The following NFATC1 variants were observed in gnomAD, a reference collection of about 807,000 sequenced individuals.
NFATC1 encodes the protein nuclear factor of activated T cells 1.
Under a neutral mutation model 76.0 loss-of-function variants are expected in NFATC1, and 22 were observed. The observed-to-expected ratio is 0.29, with a 90% CI of 0.21 to 0.41. The LOEUF (loss-of-function observed/expected upper bound fraction) is 0.41, where lower values mean the gene tolerates loss of function less well. Among genes scored for constraint, NFATC1 ranks in the 10% least tolerant of loss-of-function variants. The probability of loss-of-function intolerance (pLI) is 1.00; values close to 1 mark genes in which losing one functional copy is unlikely to be tolerated. For synonymous variants in NFATC1, 704 were observed against 613.1 expected (o/e 1.15, Z -2.19); for missense variants, 1,357 against 1,337.7 (o/e 1.01, Z -0.23).
intron 3 of NFATC1, among the ~76,000 whole-genome samples, chr18:79,441,643 CTGACAAA>C (rs1399539606): frequency 6.6e-6 from 1 of 152,170 alleles, no homozygotes; most frequent in African/African-American, 2.4e-5. Flanking sequence ...CACCTCACTT[CTGACAAA>C]TGACAAGCGC....
At chr18:79,414,066 C>A (rs1266257962) in intron 2 of NFATC1, among the ~76,000 whole-genome samples, 2 of 152,184 alleles carry the variant, frequency 1.3e-5, no homozygotes, top group African/African-American at 4.8e-5. Flanking sequence ...TTTCCTGGTT[C>A]CTTGTGCCCT....
intron 9 of NFATC1, among the ~76,000 whole-genome samples, chr18:79,517,557 C>T (rs868767339): frequency 5.9e-5 from 9 of 152,154 alleles, no homozygotes; most frequent in African/African-American, 2.2e-4. Context: ...GGAACATGCC[C>T]CCGTAGGCCG....
intron 6 of NFATC1, 172 bp downstream of exon 6, chr18:79,451,988 T>C (rs1170505571): frequency 4.2e-6 from 3 of 721,668 alleles, no homozygotes; most frequent in Admixed American, 3.8e-5. Flanking sequence ...CTGTGGGTTT[T>C]TGTGTGAGCC....
intron 9 of NFATC1, among the ~76,000 whole-genome samples, chr18:79,500,822 A>G (rs2089996819): frequency 6.6e-6 from 1 of 152,192 alleles, no homozygotes; most frequent in Non-Finnish European, 1.5e-5. Context: ...TAATAGACCT[A>G]TAGCAGGGAA....
intron 1 of NFATC1, among the ~76,000 whole-genome samples, chr18:79,399,348 C>T (rs1461513611): frequency 1.3e-5 from 2 of 152,232 alleles, no homozygotes; most frequent in African/African-American, 2.4e-5. Flanking sequence ...AGGCAGTGCC[C>T]GCGGGGCAGG....
Position 79,410,899 on chromosome 18 carries a change from C to T in NFATC1, c.624C>T (p.Pro208=), listed in dbSNP as rs970741823. The part of the protein sequence containing the change: ...ASPQTSPWQS[P]CVSPKTTDPE... Reference sequence around the variant, plus strand: ...CCCAGACGTCGCCATGGCAGTCTCCCTGCGTGTCTCCCAAGACCACGGACC... The same window carrying T: ...CCCAGACGTCGCCATGGCAGTCTCCTTGCGTGTCTCCCAAGACCACGGACC... Residue 208 remains proline (P), a synonymous_variant, in exon 2 of 10, where the codon CCC becomes CCT. Transcript: ENST00000427363. This position sits in a 1 kb window ranked among gnomAD's most constrained non-coding sequence, Gnocchi z 6.7. 72 of 1,608,534 alleles carry T rather than the reference C, an allele frequency of 4.5e-5. No homozygotes were observed. Among genetic ancestry groups the T allele is most frequent in the Non-Finnish European group, 5.4e-5 (64 of 1,178,806 alleles).
intron 9 of NFATC1, among the ~76,000 whole-genome samples, chr18:79,522,014 G>T (rs1379761142): frequency 1.9e-5 from 2 of 108,024 alleles, no homozygotes; most frequent in African/African-American, 7.6e-5. Flanking sequence ...TGCATGTGTG[G>T]GGGGGCGTCT....
chr18:79,478,986 G>C (rs951396665), intron 8 of NFATC1, among the ~76,000 whole-genome samples: 1 of 152,176 alleles, frequency 6.6e-6, no homozygotes, highest in Non-Finnish European at 1.5e-5. Context: ...CCCCATGGAC[G>C]CTGGGGCTGC....
intron 2 of NFATC1, among the ~76,000 whole-genome samples, chr18:79,428,163 G>T (rs2086465899): frequency 6.6e-6 from 1 of 152,178 alleles, no homozygotes; most frequent in Non-Finnish European, 1.5e-5. Flanking sequence ...CCTCGGGCCG[G>T]TGGGCAGGCT....
intron 9 of NFATC1, among the ~76,000 whole-genome samples, chr18:79,525,559 T>C (rs998996200): frequency 2.0e-5 from 3 of 152,204 alleles, no homozygotes; most frequent in Middle Eastern, 3.4e-3. Flanking sequence ...CTCTCAGGCC[T>C]CCCTCCTGTC....
At position 79,435,354 on chromosome 18, in the gene NFATC1, T is replaced by TTGTTG. The variant is rs1380786053; in HGVS notation, c.1386+1617_1386+1618insGTTGT. ...TTGTTTTGTTTTTTGGTTTGTTTGT[T>TTGTTG]TTTTTTTTTTTTTTGAGACGGAGTC... On this transcript the variant is annotated intron_variant, in intron 3 of 9. Transcript: ENST00000427363. 1.9e-3 allele frequency among the ~76,000 whole-genome samples: 275 copies of TTGTTG among 144,278 alleles called. 1 individual carries two copies. The highest frequency in any genetic ancestry group is 0.013 in the Middle Eastern group (3 of 238). The allele number at this position is 144,278 out of a possible 152,430, so 94.7% of individuals were successfully genotyped here. A position where few individuals can be genotyped will look rare whatever the true frequency, so the allele number is the denominator to read the frequency against.
intron 8 of NFATC1, among the ~76,000 whole-genome samples, chr18:79,471,832 G>T (rs1293474858): frequency 6.6e-6 from 1 of 152,252 alleles, no homozygotes; most frequent in Non-Finnish European, 1.5e-5. Context: ...TTCACCAGGG[G>T]TGGGCGTGGG....
chr18:79,457,541 TTC>T (rs1226580983), intron 6 of NFATC1, among the ~76,000 whole-genome samples: 1 of 152,244 alleles, frequency 6.6e-6, no homozygotes, highest in African/African-American at 2.4e-5. Flanking sequence ...GTTGGCTAGT[TTC>T]TTTTTTATAT....
chr18:79,421,209 C>T (rs1417272223), intron 2 of NFATC1: 2 of 152,282 alleles, frequency 1.3e-5, no homozygotes, highest in Non-Finnish European at 2.9e-5. Context: ...CCCCTCTGAC[C>T]CCCATCACGG....
At chr18:79,455,303 G>A (rs1052588112) in intron 6 of NFATC1, among the ~76,000 whole-genome samples, 2 of 152,222 alleles carry the variant, frequency 1.3e-5, no homozygotes, top group Non-Finnish European at 2.9e-5. Flanking sequence ...AGGGCTCAGC[G>A]GGTGGGGCTG....
chr18:79,516,836 A>T (rs1444487667), intron 9 of NFATC1, among the ~76,000 whole-genome samples: 1 of 152,178 alleles, frequency 6.6e-6, no homozygotes, highest in African/African-American at 2.4e-5. Context: ...TCTGATCTCT[A>T]ATTTGTGGCT....
rs531318548 is a variant in NFATC1 at position 79,524,276 on chromosome 18, T to C, written c.2783-3252T>C. ...CACCTGTGAAAGGGGAAGCCGTGGC[T>C]TTCCTCTCAGGGCTACGGCACAGGC... On this transcript the variant is annotated intron_variant, in intron 9 of 9. Transcript: ENST00000427363. The surrounding 1 kb of genome is among the most constrained non-coding windows in gnomAD (Gnocchi z 7.2). Among the ~76,000 whole-genome samples the C allele has an allele frequency of 6.6e-6, 1 of 152,328 alleles. No homozygotes were observed. Among genetic ancestry groups the C allele is most frequent in the East Asian group, 1.9e-4 (1 of 5,186 alleles).
Position 79,413,881 on chromosome 18 carries a change from G to A in NFATC1, c.1226+2380G>A, listed in dbSNP as rs115776927. Reference sequence around the variant, plus strand: ...GCTTGGGGGTTTCAGGAAGAATTCCGTGCCCACGTGACCCTGTTAGCTTTA... The same window carrying A: ...GCTTGGGGGTTTCAGGAAGAATTCCATGCCCACGTGACCCTGTTAGCTTTA... On this transcript the variant is annotated intron_variant, in intron 2 of 9. Coordinates refer to ENST00000427363, the MANE Select transcript of NFATC1 (RefSeq NM_001278669.2). Among the ~76,000 whole-genome samples the A allele has an allele frequency of 9.0e-3, 1,368 of 152,236 alleles. 21 individuals carry two copies. The highest frequency in any genetic ancestry group is 0.031 in the African/African-American group (1,294 of 41,546).
At chr18:79,516,474 G>A (rs1480989260) in intron 9 of NFATC1, among the ~76,000 whole-genome samples, 3 of 152,190 alleles carry the variant, frequency 2.0e-5, no homozygotes, top group East Asian at 1.9e-4. Flanking sequence ...GCGACCCTGC[G>A]TTTTCAGAAT....
Sources: allele counts gnomAD v4.1 joint callset (sites outside exome capture counted in the v4.1 genomes callset), GRCh38; gene constraint gnomAD v4.1.1; non-coding constraint Gnocchi (gnomAD v3.1); transcripts MANE v1.5; gene names NCBI Gene and HGNC (gene_info 2026-07-23, HGNC 2026-07-21).